The following HS3ST4 variants were observed in gnomAD, a reference collection of about 807,000 sequenced individuals.
HS3ST4 encodes heparan sulfate glucosamine 3-O-sulfotransferase 4.
A neutral mutation model predicts 29.2 loss-of-function variants in HS3ST4; 17 were observed. That is an observed-to-expected ratio of 0.58 (90% CI 0.40 to 0.87). The LOEUF (loss-of-function observed/expected upper bound fraction) is 0.87, where lower values mean the gene tolerates loss of function less well. Among genes scored for constraint, HS3ST4 ranks in the 40% least tolerant of loss-of-function variants. The probability of loss-of-function intolerance (pLI) is 0.00; values close to 1 mark genes in which losing one functional copy is unlikely to be tolerated. For missense variants in HS3ST4, 627 were observed against 634.5 expected (o/e 0.99, Z 0.13); for synonymous variants, 314 against 285.7 (o/e 1.10, Z -1.00).
chr16:25,954,685 A>T (rs1243954600), intron 1 of HS3ST4, among the ~76,000 whole-genome samples: 1 of 152,218 alleles, frequency 6.6e-6, no homozygotes, highest in Admixed American at 6.5e-5. Flanking sequence ...AAAATGCTTC[A>T]AAATCTGAAA....
At chr16:25,795,011 G>A (rs984712818) in intron 1 of HS3ST4, among the ~76,000 whole-genome samples, 2 of 135,546 alleles carry the variant, frequency 1.5e-5, no homozygotes, top group Admixed American at 1.6e-4. Context: ...TCTCACTGTC[G>A]CCTGGGCAGG....
At chr16:25,962,625 C>A (rs1485731155) in intron 1 of HS3ST4, among the ~76,000 whole-genome samples, 1 of 152,164 alleles carries the variant, frequency 6.6e-6, no homozygotes, top group African/African-American at 2.4e-5. Context: ...CTCAGGGATC[C>A]AGCCCCTTCA....
intron 1 of HS3ST4, among the ~76,000 whole-genome samples, chr16:26,001,703 A>T (rs1037327559): frequency 6.6e-5 from 10 of 152,154 alleles, no homozygotes; most frequent in Admixed American, 6.6e-4. Flanking sequence ...AGGGCATTTT[A>T]AAGGAAAGTT....
chr16:26,062,114 G>A (rs1466230632), intron 1 of HS3ST4, among the ~76,000 whole-genome samples: 1 of 152,146 alleles, frequency 6.6e-6, no homozygotes, highest in East Asian at 1.9e-4. Context: ...AGATTAATGA[G>A]CTTTGAGTGG....
intron 1 of HS3ST4, among the ~76,000 whole-genome samples, chr16:25,976,359 G>A (rs575361157): frequency 2.0e-5 from 3 of 152,224 alleles, no homozygotes; most frequent in East Asian, 3.9e-4. Flanking sequence ...AGACTGGAGT[G>A]TAATGGTGCC....
chr16:26,098,046 G>A (rs983272794), intron 1 of HS3ST4, among the ~76,000 whole-genome samples: 3 of 152,102 alleles, frequency 2.0e-5, no homozygotes, highest in South Asian at 2.1e-4. Context: ...ACCATCTCAC[G>A]CCAGTTAGAA....
intron 1 of HS3ST4, among the ~76,000 whole-genome samples, chr16:25,909,421 A>C (rs929613965): frequency 6.6e-6 from 1 of 152,036 alleles, no homozygotes; most frequent in African/African-American, 2.4e-5. Flanking sequence ...GCTCCTGGAC[A>C]TGCCCCAGGC....
At chr16:26,085,129 G>A (rs72780037) in intron 1 of HS3ST4, among the ~76,000 whole-genome samples, 1,649 of 152,252 alleles carry the variant, frequency 0.011, 12 homozygotes, top group Non-Finnish European at 0.017. Flanking sequence ...AGACTTTCTG[G>A]AGAGAGCTCA....
At chr16:25,829,795 A>G (rs1031269312) in intron 1 of HS3ST4, among the ~76,000 whole-genome samples, 2 of 152,116 alleles carry the variant, frequency 1.3e-5, no homozygotes, top group African/African-American at 4.8e-5. Flanking sequence ...TGTAAAATAC[A>G]CTATTTTAAA....
chr16:25,866,986 T>G (rs1441796011), intron 1 of HS3ST4, among the ~76,000 whole-genome samples: 1 of 152,132 alleles, frequency 6.6e-6, no homozygotes, highest in Non-Finnish European at 1.5e-5. Context: ...CACTACTTTG[T>G]GAGTAGTTAG....
At chr16:25,957,107 G>C (rs1030064452) in intron 1 of HS3ST4, among the ~76,000 whole-genome samples, 2 of 152,164 alleles carry the variant, frequency 1.3e-5, no homozygotes, top group African/African-American at 4.8e-5. Flanking sequence ...CCCAAAGAGA[G>C]TGGTGAAGGC....
chr16:25,719,679 A>C (rs922526176), intron 1 of HS3ST4, among the ~76,000 whole-genome samples: 5 of 152,246 alleles, frequency 3.3e-5, no homozygotes, highest in Middle Eastern at 6.3e-3. Context: ...GAGTATGTGA[A>C]GAAAGAGTAG....
At chr16:25,989,656 A>G (rs1969097610) in intron 1 of HS3ST4, among the ~76,000 whole-genome samples, 1 of 152,222 alleles carries the variant, frequency 6.6e-6, no homozygotes, top group African/African-American at 2.4e-5. Context: ...TATGAGGCCT[A>G]ACTGACTTCG....
intron 1 of HS3ST4, among the ~76,000 whole-genome samples, chr16:25,767,258 C>T (rs1966826368): frequency 5.9e-5 from 9 of 152,146 alleles, no homozygotes; most frequent in Admixed American, 5.9e-4. Flanking sequence ...AGAAAGTCTC[C>T]CCTCACTCTG....
At chr16:26,128,213 C>T (rs1899371253) in intron 1 of HS3ST4, among the ~76,000 whole-genome samples, 1 of 152,144 alleles carries the variant, frequency 6.6e-6, no homozygotes, top group Non-Finnish European at 1.5e-5. Flanking sequence ...AACCACAGAT[C>T]ATGTTACTAA....
At chr16:25,866,922 C>T (rs1042554614) in intron 1 of HS3ST4, among the ~76,000 whole-genome samples, 10 of 152,220 alleles carry the variant, frequency 6.6e-5, no homozygotes, top group Middle Eastern at 3.4e-3. Context: ...GAACTTGCAG[C>T]GGAATGGTTA....
chr16:25,968,201 G>A (rs1034197930), intron 1 of HS3ST4, among the ~76,000 whole-genome samples: 2 of 152,170 alleles, frequency 1.3e-5, no homozygotes, highest in African/African-American at 4.8e-5. Context: ...TGGAGCCCCT[G>A]GCCTGAGACT....
chr16:25,903,301 T>TATATTATATAC (rs1457768365), intron 1 of HS3ST4, among the ~76,000 whole-genome samples: 4 of 17,332 alleles, frequency 2.3e-4, no homozygotes, highest in Non-Finnish European at 5.2e-4. Flanking sequence ...TGTGTGTGTG[T>TATATTATATAC]GTATGTATAT....
chr16:25,966,330 T>A (rs553714046), intron 1 of HS3ST4, among the ~76,000 whole-genome samples: 1 of 152,262 alleles, frequency 6.6e-6, no homozygotes, highest in East Asian at 1.9e-4. Flanking sequence ...TATTTGAAGG[T>A]TGCTGGGGAC....
Sources: gnomAD v4.1 joint callset for allele counts (sites outside exome capture counted in the v4.1 genomes callset) on GRCh38, gnomAD v4.1.1 for gene constraint, MANE v1.5 for transcripts, NCBI Gene and HGNC (gene_info 2026-07-23, HGNC 2026-07-21) for gene names.